The following TBCD variants were observed in gnomAD, a reference collection of about 807,000 sequenced individuals.
The protein encoded by TBCD is tubulin folding cofactor D, also known as tubulin-specific chaperone D.
TBCD carries 105 observed loss-of-function variants against 169.3 expected under a neutral mutation model. That is an observed-to-expected ratio of 0.62 (90% CI 0.53 to 0.73). TBCD has a LOEUF of 0.73. Among genes scored for constraint, TBCD ranks in the 30% least tolerant of loss-of-function variants. The pLI is 0.00. For missense variants in TBCD, 1,444 were observed against 1,600.1 expected (o/e 0.90, Z 1.66); for synonymous variants, 700 against 643.9 (o/e 1.09, Z -1.32).
chr17:82,784,987 C>T (rs549565811), intron 7 of TBCD, among the ~76,000 whole-genome samples: 69 of 144,986 alleles, frequency 4.8e-4, no homozygotes, highest in Non-Finnish European at 8.6e-4. Context: ...CCCATCGCAG[C>T]GGGAGGGGGG....
intron 4 of TBCD, among the ~76,000 whole-genome samples, chr17:82,767,811 C>T (rs1359742020): frequency 1.3e-5 from 2 of 152,078 alleles, no homozygotes; most frequent in East Asian, 1.9e-4. Flanking sequence ...AAAAATTAGC[C>T]TAGCATGGTG....
chr17:82,794,526 T>A (rs2049967277), intron 7 of TBCD, among the ~76,000 whole-genome samples: 1 of 152,152 alleles, frequency 6.6e-6, no homozygotes, highest in South Asian at 2.1e-4. Context: ...TCCATGAAAG[T>A]GGGCTGTGCC....
chr17:82,772,398 C>A, intron 5 of TBCD, 54 bp from the exon 6 acceptor site: 1 of 1,600,766 alleles, frequency 6.2e-7, no homozygotes, highest in Non-Finnish European at 8.6e-7. Flanking sequence ...TGTGGTGTCC[C>A]CAAGGCTGGC....
At chr17:82,787,544 G>T (rs1322569621) in intron 7 of TBCD, among the ~76,000 whole-genome samples, 2 of 152,254 alleles carry the variant, frequency 1.3e-5, no homozygotes, top group African/African-American at 4.8e-5. Context: ...TGCTGAGCGG[G>T]TGGGAGGTTT....
chr17:82,797,962 C>CTTTTTTTT lies in TBCD; in HGVS notation c.817+185_817+192dup, dbSNP rs60671571. ...TTTGTTGTGGGTTTTAGTAACTGAACTTTTTTTTTTTTTTTTTTTTTTTTT... is the reference window on the plus strand; with the variant it reads ...TTTGTTGTGGGTTTTAGTAACTGAACTTTTTTTTTTTTTTTTTTTTTTTTTTTTTTTTT... On this transcript the variant is annotated intron_variant, in intron 8 of 38. Coordinates refer to ENST00000355528, the MANE Select transcript of TBCD (RefSeq NM_005993.5). Among the ~76,000 whole-genome samples, 92 of 49,040 alleles carry CTTTTTTTT rather than the reference C, an allele frequency of 1.9e-3. 18 individuals are homozygous for CTTTTTTTT. Among genetic ancestry groups the CTTTTTTTT allele is most frequent in the Admixed American group, 2.6e-3 (8 of 3,056 alleles). 32.2% of individuals were successfully genotyped at this position (49,040 alleles called of 152,430 possible).
intron 23 of TBCD, among the ~76,000 whole-genome samples, chr17:82,917,152 T>A (rs1230786112): frequency 1.3e-5 from 2 of 151,790 alleles, no homozygotes; most frequent in African/African-American, 4.8e-5. Flanking sequence ...CCTGAGTAGC[T>A]GGGACTACAG....
chr17:82,762,396 C>T (rs1035407281), intron 2 of TBCD, among the ~76,000 whole-genome samples: 1 of 150,790 alleles, frequency 6.6e-6, no homozygotes, highest in Non-Finnish European at 1.5e-5. Flanking sequence ...TTTATTTTCT[C>T]TTGGGAAAAT....
chr17:82,781,197 G>T (rs2048923406), intron 6 of TBCD, among the ~76,000 whole-genome samples: 4 of 151,740 alleles, frequency 2.6e-5, no homozygotes, highest in Admixed American at 2.6e-4. Context: ...ACGTGGGCAC[G>T]GTGTCCTGAG....
At chr17:82,876,376 G>C (rs1401188269) in intron 14 of TBCD, among the ~76,000 whole-genome samples, 2 of 152,218 alleles carry the variant, frequency 1.3e-5, no homozygotes, top group African/African-American at 2.4e-5. Flanking sequence ...GCCTCGCAGT[G>C]TCTCTCTCCA....
chr17:82,772,084 T>C (rs1314238896), intron 5 of TBCD, among the ~76,000 whole-genome samples: 1 of 152,214 alleles, frequency 6.6e-6, no homozygotes, highest in East Asian at 1.9e-4. Context: ...CCAATACTGA[T>C]GGTTCCCTTG....
intron 28 of TBCD, 79 bp downstream of exon 28, chr17:82,926,570 TCA>T: frequency 1.6e-6 from 2 of 1,247,288 alleles, no homozygotes; most frequent in Non-Finnish European, 2.3e-6. Flanking sequence ...ATGTTTTTGC[TCA>T]GAGGCAGGAC....
At chr17:82,892,182 GAC>G (rs1453395346) in intron 16 of TBCD, among the ~76,000 whole-genome samples, 1 of 152,066 alleles carries the variant, frequency 6.6e-6, no homozygotes, top group Non-Finnish European at 1.5e-5. Context: ...GGGGATGCTG[GAC>G]ACAGAGTCCC....
chr17:82,901,169 A>G (rs1048045384), intron 18 of TBCD, among the ~76,000 whole-genome samples: 28 of 152,236 alleles, frequency 1.8e-4, no homozygotes, highest in African/African-American at 5.8e-4. Flanking sequence ...TAGCAGCTTC[A>G]GGGTTTCCTT....
rs560749650 is a variant in TBCD at position 82,772,494 on chromosome 17, G to A, written c.625G>A (p.Val209Ile). Residue 209 changes from valine (V) to isoleucine (I), a missense_variant, in exon 6 of 39, where the codon GTC (valine) becomes ATC (isoleucine). Transcript: ENST00000355528. ...TGACAAGGCCCGAGATGCAGCTGCTGTCCTTGTGTCCAGGTAAGTTTCCAT... is the reference window on the plus strand; with the variant it reads ...TGACAAGGCCCGAGATGCAGCTGCTATCCTTGTGTCCAGGTAAGTTTCCAT... ...VSDKARDAAA[V>I]LVSRFITRPD... is the part of the protein sequence containing the mutation. 104 of 1,613,870 alleles carry A rather than the reference G, an allele frequency of 6.4e-5. No individual in the cohort carries two copies. The highest frequency in any genetic ancestry group is 8.5e-5 in the Non-Finnish European group (100 of 1,179,896).
chr17:82,767,696 C>T (rs1288532898), intron 4 of TBCD, among the ~76,000 whole-genome samples: 1 of 152,110 alleles, frequency 6.6e-6, no homozygotes, highest in Non-Finnish European at 1.5e-5. Flanking sequence ...GTGGCTCGTG[C>T]CTGTAATCCC....
chr17:82,807,118 G>T (rs2051026028), intron 10 of TBCD, among the ~76,000 whole-genome samples: 1 of 152,252 alleles, frequency 6.6e-6, no homozygotes, highest in Admixed American at 6.5e-5. Context: ...CCTTGCTGGG[G>T]CTTGCAGGGC....
chr17:82,787,216 A>G (rs2049382932), intron 7 of TBCD, among the ~76,000 whole-genome samples: 2 of 152,250 alleles, frequency 1.3e-5, no homozygotes, highest in African/African-American at 4.8e-5. Context: ...TTTAGGGCAG[A>G]GCACCCAGGC....
chr17:82,853,546 G>T (rs999118795), intron 13 of TBCD, among the ~76,000 whole-genome samples: 1 of 152,016 alleles, frequency 6.6e-6, no homozygotes, highest in Non-Finnish European at 1.5e-5. Context: ...GAGACTACAG[G>T]TGTTTGCCAG....
intron 13 of TBCD, among the ~76,000 whole-genome samples, chr17:82,851,921 CCT>C (rs1360604634): frequency 6.6e-6 from 1 of 152,172 alleles, no homozygotes; most frequent in African/African-American, 2.4e-5. Flanking sequence ...AAAAGTGACT[CCT>C]CACTGCTTCA....
Sources: gnomAD v4.1 joint callset for allele counts (sites outside exome capture counted in the v4.1 genomes callset) on GRCh38, gnomAD v4.1.1 for gene constraint, MANE v1.5 for transcripts, NCBI Gene and HGNC (gene_info 2026-07-23, HGNC 2026-07-21) for gene names.